The following TFAP2C variants were observed in gnomAD, a reference collection of about 807,000 sequenced individuals.
The protein encoded by TFAP2C is transcription factor AP-2 gamma, also known as activating enhancer-binding protein 2 gamma.
In TFAP2C, 9 loss-of-function variants were observed where a neutral mutation model predicts 42.9. The ratio of observed to expected loss-of-function variants is 0.21; its 90% CI spans 0.13 to 0.37. The LOEUF is 0.37. Among genes scored for constraint, TFAP2C ranks in the 10% least tolerant of loss-of-function variants. The pLI is 1.00. For synonymous variants in TFAP2C, 264 were observed against 256.0 expected (o/e 1.03, Z -0.30); for missense variants, 462 against 591.7 (o/e 0.78, Z 2.27).
rs1987501662 is a variant in TFAP2C, at chr20:56,631,937, G to A, written c.586+81G>A. 2 of 1,509,454 alleles carry A rather than the reference G, an allele frequency of 1.3e-6. No homozygotes were observed. Among genetic ancestry groups the A allele is most frequent in the Non-Finnish European group, 1.8e-6 (2 of 1,085,846 alleles). The allele number at this position is 1,509,454 out of a possible 1,614,324, so 93.5% of individuals were successfully genotyped here. A position where few individuals can be genotyped will look rare whatever the true frequency, so the allele number is the denominator to read the frequency against. ...TTGACTGGCAAGGTTGGGGGTATTT[G>A]GTGGCCAGCGTGGGACATTTGTGGT... On this transcript the variant is annotated intron_variant, in intron 3 of 6. Transcript: ENST00000201031. This position sits in a 1 kb window ranked among gnomAD's most constrained non-coding sequence, Gnocchi z 6.1.
Position 56,633,998 on chromosome 20 carries a change from A to G in TFAP2C, c.804-152A>G, listed in dbSNP as rs539665707. Reference sequence around the variant, plus strand: ...GGACTAATTGAAAGAGGACCCTGCTATCACTTTTCATTATGGTTCACGTGA... The same window carrying G: ...GGACTAATTGAAAGAGGACCCTGCTGTCACTTTTCATTATGGTTCACGTGA... On this transcript the variant is annotated intron_variant, in intron 4 of 6. Transcript: ENST00000201031. 7.7e-6 allele frequency: 5 copies of G among 650,996 alleles called. No homozygotes were observed. In the Admixed American group the frequency reaches 1.3e-4, roughly 17 times the overall value. The allele number at this position is 650,996 out of a possible 1,614,324, so 40.3% of individuals were successfully genotyped here.
Position 56,637,904 on chromosome 20 carries a change from A to G in TFAP2C, c.1244A>G (p.Tyr415Cys), listed in dbSNP as rs771772325. Residue 415 changes from tyrosine to cysteine, a missense_variant, in exon 7 of 7, where the codon TAC becomes TGC. Transcript: ENST00000201031. Reference protein sequence around the residue: ...ICAAVSALQNYIKEALIVIDK... With the variant: ...ICAAVSALQNCIKEALIVIDK... ...GCCGCGGTGTCTGCCCTGCAGAACT[A>G]CATCAAAGAAGCCCTGATTGTCATA... is the stretch of plus-strand genomic sequence containing the variant. 2 of 1,607,660 alleles carry G rather than the reference A, an allele frequency of 1.2e-6. No homozygotes were observed. The highest frequency in any genetic ancestry group is 2.2e-5 in the South Asian group (2 of 90,966).
In TFAP2C at chr20:56,633,462, G is replaced by A. The variant is rs146916115; in HGVS notation, c.696G>A (p.Ser232=). The A allele has an allele frequency of 2.0e-4, 326 of 1,614,018 alleles. 1 individual carries two copies. The African/African-American group carries it at 3.0e-3, about 15-fold the overall frequency. The change falls in exon 4 of 7, where the codon TCG becomes TCA. Residue 232 remains serine (S), a synonymous_variant. Coordinates refer to ENST00000201031, the MANE Select transcript of TFAP2C (RefSeq NM_003222.4). ...EVFCSVPGRL[S]LLSSTSKYKV... ...TCTGCTCAGTCCCTGGAAGATTGTC[G>A]CTCCTCAGCTCTACGTCTAAATACA...
Position 56,631,196 on chromosome 20 carries a change from TC to T in TFAP2C, c.49-6del. ...TAACGGGGTCTCCTGTTTTTTTTTT[TC>T]CCTCCAGGATCGCCACGACGGGAGC... On this transcript the variant is annotated splice_polypyrimidine_tract_variant and splice_region_variant and intron_variant, in intron 1 of 6. Transcript: ENST00000201031. The surrounding 1 kb of genome is among the most constrained non-coding windows in gnomAD (Gnocchi z 6.1). The T allele has an allele frequency of 1.3e-6, 2 of 1,495,820 alleles. No homozygotes were observed. Among genetic ancestry groups the T allele is most frequent in the Non-Finnish European group, 1.8e-6 (2 of 1,125,676 alleles). 92.7% of individuals were successfully genotyped at this position (1,495,820 alleles called of 1,614,324 possible).
In TFAP2C at chr20:56,631,911, G is replaced by A; in HGVS notation, c.586+55G>A. 1 of 1,603,042 alleles carries A rather than the reference G, an allele frequency of 6.2e-7. No individual in the cohort carries two copies. On this transcript the variant is annotated intron_variant, in intron 3 of 6. Transcript: ENST00000201031. This position sits in a 1 kb window ranked among gnomAD's most constrained non-coding sequence, Gnocchi z 6.1. ...TGGTCACACGATCTGGGCTTGTGAAGTTGACTGGCAAGGTTGGGGGTATTT... is the reference window on the plus strand; with the variant it reads ...TGGTCACACGATCTGGGCTTGTGAAATTGACTGGCAAGGTTGGGGGTATTT...
rs1198296727 is a variant in TFAP2C at position 56,630,599 on chromosome 20, T to TGC, written c.49-599_49-598dup. 4 of 796,360 alleles carry TGC rather than the reference T, an allele frequency of 5.0e-6. No homozygotes were observed. The African/African-American group carries it at 7.5e-5, about 15-fold the overall frequency. The allele number at this position is 796,360 out of a possible 1,614,324, so 49.3% of individuals were successfully genotyped here. On this transcript the variant is annotated intron_variant, in intron 1 of 6. Coordinates refer to ENST00000201031, the MANE Select transcript of TFAP2C (RefSeq NM_003222.4). This position sits in a 1 kb window ranked among gnomAD's most constrained non-coding sequence, Gnocchi z 5.1. Reference sequence around the variant, plus strand: ...CCGGCCAGCAGGGAGGGCCGCCCTGTGCGCGCGCTCCCTCTTCACTTCCCA... The same window carrying TGC: ...CCGGCCAGCAGGGAGGGCCGCCCTGTGCGCGCGCGCTCCCTCTTCACTTCCCA...
At position 56,630,843 on chromosome 20, in the gene TFAP2C, C is replaced by G; in HGVS notation, c.49-362C>G. 1.0e-6 allele frequency: 1 copy of G among 984,214 alleles called. No homozygotes were observed. 61.0% of individuals were successfully genotyped at this position (984,214 alleles called of 1,614,324 possible). ...CACCGGGCGTCCGGCTCCTTCGCCC[C>G]GGGCTCTGGCTCCTTCGCCCCGGGC... On this transcript the variant is annotated intron_variant, in intron 1 of 6. Transcript: ENST00000201031. The surrounding 1 kb of genome is among the most constrained non-coding windows in gnomAD (Gnocchi z 5.1).
chr20:56,630,868 C>T lies in TFAP2C; in HGVS notation c.49-337C>T. On this transcript the variant is annotated intron_variant, in intron 1 of 6. Transcript: ENST00000201031. This position sits in a 1 kb window ranked among gnomAD's most constrained non-coding sequence, Gnocchi z 5.1. ...CGGGCTCTGGCTCCTTCGCCCCGGG[C>T]TCCGGCCACGGACTTTTCTGGCCCA... is the stretch of plus-strand genomic sequence containing the variant. 4 of 985,362 alleles carry T rather than the reference C, an allele frequency of 4.1e-6. No homozygotes were observed. In the South Asian group the frequency reaches 1.9e-4, roughly 46 times the overall value. The allele number at this position is 985,362 out of a possible 1,614,324, so 61.0% of individuals were successfully genotyped here.
At chr20:56,637,690 T>C in intron 6 of TFAP2C, 38 bp from the exon 7 acceptor site, 1 of 1,605,812 alleles carries the variant, frequency 6.2e-7, no homozygotes, top group Non-Finnish European at 8.5e-7. Context: ...TGTAAGGAGC[T>C]AGATGGAACT....
chr20:56,638,264 C>T lies in TFAP2C; in HGVS notation c.*251C>T. 2.8e-6 allele frequency: 1 copy of T among 356,506 alleles called. No individual in the cohort carries two copies. The highest frequency in any genetic ancestry group is 5.0e-6 in the Non-Finnish European group (1 of 198,826). The allele number at this position is 356,506 out of a possible 1,614,324, so 22.1% of individuals were successfully genotyped here. ...AAGTACTGGCTCTTTATTCATTAAG[C>T]TTTTTTTTTTTGAACCCCATTCTTT... On this transcript the variant is annotated 3_prime_UTR_variant, in exon 7 of 7. Coordinates refer to ENST00000201031, the MANE Select transcript of TFAP2C (RefSeq NM_003222.4).
Position 56,638,089 on chromosome 20 carries a change from G to A in TFAP2C, c.*76G>A. Reference sequence around the variant, plus strand: ...AATCCTTCTCCACCGCACAGACTGGGAACCCCTCCTGGCCTGGGGGAAGAG... The same window carrying A: ...AATCCTTCTCCACCGCACAGACTGGAAACCCCTCCTGGCCTGGGGGAAGAG... On this transcript the variant is annotated 3_prime_UTR_variant, in exon 7 of 7. Transcript: ENST00000201031. The A allele has an allele frequency of 7.3e-7, 1 of 1,377,450 alleles. No homozygotes were observed. Among genetic ancestry groups the A allele is most frequent in the Non-Finnish European group, 9.9e-7 (1 of 1,015,084 alleles). 85.3% of individuals were successfully genotyped at this position (1,377,450 alleles called of 1,614,324 possible).
intron 6 of TFAP2C, 72 bp from the exon 7 acceptor site, chr20:56,637,656 G>C: frequency 1.3e-6 from 2 of 1,520,120 alleles, no homozygotes; most frequent in South Asian, 2.4e-5. Context: ...CAGCCTCAGT[G>C]TAGTTGGTTC....
Position 56,629,616 on chromosome 20 carries a change from GC to G in TFAP2C, c.48+28del. 1 of 1,375,400 alleles carries G rather than the reference GC, an allele frequency of 7.3e-7. No homozygotes were observed. Among genetic ancestry groups the G allele is most frequent in the Non-Finnish European group, 9.4e-7 (1 of 1,064,000 alleles). The allele number at this position is 1,375,400 out of a possible 1,614,324, so 85.2% of individuals were successfully genotyped here. The stretch of plus-strand genomic sequence containing the variant: ...AGGTGAGCTGGGGCTCCGGGGTGCA[GC>G]CCCGCCCCGCCGAGGACAGTCCGGG... On this transcript the variant is annotated intron_variant, in intron 1 of 6. Coordinates refer to ENST00000201031, the MANE Select transcript of TFAP2C (RefSeq NM_003222.4). The surrounding 1 kb of genome is among the most constrained non-coding windows in gnomAD (Gnocchi z 5.9).
At position 56,630,468 on chromosome 20, in the gene TFAP2C, C is replaced by A; in HGVS notation, c.49-737C>A. 1 of 376,222 alleles carries A rather than the reference C, an allele frequency of 2.7e-6. No individual in the cohort carries two copies. The allele number at this position is 376,222 out of a possible 1,614,324, so 23.3% of individuals were successfully genotyped here. A position where few individuals can be genotyped will look rare whatever the true frequency, so the allele number is the denominator to read the frequency against. Reference sequence around the variant, plus strand: ...GGCGAGGGAACGTGCGCGGGCAAGGCTGCCCAATTTCCAGGGTTCTTCATG... The same window carrying A: ...GGCGAGGGAACGTGCGCGGGCAAGGATGCCCAATTTCCAGGGTTCTTCATG... On this transcript the variant is annotated intron_variant, in intron 1 of 6. Transcript: ENST00000201031. This position sits in a 1 kb window ranked among gnomAD's most constrained non-coding sequence, Gnocchi z 5.1.
intron 4 of TFAP2C, 142 bp from the exon 5 acceptor site, chr20:56,634,008 A>T: frequency 1.5e-6 from 1 of 665,878 alleles, no homozygotes; most frequent in East Asian, 2.5e-5. Flanking sequence ...ATCACTTTTC[A>T]TTATGGTTCA....
At chr20:56,635,663 G>C (rs1248269956) in intron 5 of TFAP2C, among the ~76,000 whole-genome samples, 2 of 152,076 alleles carry the variant, frequency 1.3e-5, no homozygotes, top group Non-Finnish European at 2.9e-5. Context: ...TCCCCAAAAT[G>C]ATACTACTTA....
Position 56,630,086 on chromosome 20 carries a change from T to A in TFAP2C, c.48+494T>A. On this transcript the variant is annotated intron_variant, in intron 1 of 6. Transcript: ENST00000201031. The surrounding 1 kb of genome is among the most constrained non-coding windows in gnomAD (Gnocchi z 5.1). ...TTCAAAAGAAGTGGGGGCTGGGGAG[T>A]GGTGGTGGGGGTGCCCGAGGCCAGA... 2 of 171,826 alleles carry A rather than the reference T, an allele frequency of 1.2e-5. No individual in the cohort carries two copies. Among genetic ancestry groups the A allele is most frequent in the South Asian group, 1.0e-4 (1 of 9,646 alleles). The allele number at this position is 171,826 out of a possible 1,614,324, so 10.6% of individuals were successfully genotyped here.
chr20:56,631,801 C>T lies in TFAP2C; in HGVS notation c.535-4C>T, dbSNP rs1987498544. 1.9e-6 allele frequency: 3 copies of T among 1,614,070 alleles called. No homozygotes were observed. The highest frequency in any genetic ancestry group is 2.5e-6 in the Non-Finnish European group (3 of 1,180,038). On this transcript the variant is annotated splice_polypyrimidine_tract_variant and splice_region_variant and intron_variant, in intron 2 of 6. Transcript: ENST00000201031. This position sits in a 1 kb window ranked among gnomAD's most constrained non-coding sequence, Gnocchi z 6.1. ...TTAAGGGAATTTTGTCCTCTCTCCC[C>T]CAGAATGTCGACGACCAGCACCTGT...
intron 5 of TFAP2C, among the ~76,000 whole-genome samples, chr20:56,634,558 G>T (rs904683002): frequency 6.6e-6 from 1 of 152,134 alleles, no homozygotes; most frequent in Admixed American, 6.5e-5. Flanking sequence ...TAGGGGTGTC[G>T]GCATTTCCTG....
Sources: allele counts gnomAD v4.1 joint callset (sites outside exome capture counted in the v4.1 genomes callset), GRCh38; gene constraint gnomAD v4.1.1; non-coding constraint Gnocchi (gnomAD v3.1); transcripts MANE v1.5; gene names NCBI Gene and HGNC (gene_info 2026-07-23, HGNC 2026-07-21).